Variants in SMC1A observed in about 807,000 individuals in gnomAD.
SMC1A encodes the protein structural maintenance of chromosomes protein 1A.
SMC1A carries 4 observed loss-of-function variants against 94.5 expected under a neutral mutation model. The ratio of observed to expected loss-of-function variants is 0.04; its 90% CI spans 0.02 to 0.10. The LOEUF (loss-of-function observed/expected upper bound fraction) is 0.10, where lower values mean the gene tolerates loss of function less well. Among genes scored for constraint, SMC1A ranks in the 10% least tolerant of loss-of-function variants. SMC1A has a pLI of 1.00. For synonymous variants in SMC1A, 345 were observed against 347.7 expected (o/e 0.99, Z 0.09); for missense variants, 304 against 989.0 (o/e 0.31, Z 9.29).
intron 3 of SMC1A, 40 bp from the exon 4 acceptor site, chrX:53,413,475 C>A (rs375724116): frequency 5.0e-4 from 573 of 1,141,431 alleles, no homozygotes; most frequent in Non-Finnish European, 6.6e-4. Context: ...CAGACCCCAG[C>A]CAACCCAGTT....
intron 22 of SMC1A, 88 bp downstream of exon 22, chrX:53,382,144 C>T (rs1470294843): frequency 7.7e-6 from 8 of 1,042,116 alleles, no homozygotes; most frequent in South Asian, 1.9e-5. Flanking sequence ...CCATCACCTT[C>T]GCAGATCTCT....
In SMC1A at chrX:53,413,028, C is replaced by T; in HGVS notation, c.726G>A (p.Leu242=). The T allele has an allele frequency of 1.7e-6, 2 of 1,211,187 alleles. No homozygotes were observed. The highest frequency in any genetic ancestry group is 2.2e-6 in the Non-Finnish European group (2 of 894,986). ...TCTCGATCTCCTTGTTCTTTGAGGC[C>T]AGTTCCTTGTTGAGCTTCTCAATTT... ...EVEIEKLNKE[L]ASKNKEIEKD... Residue 242 remains leucine (L), a synonymous_variant, in exon 5 of 25, where the codon CTG becomes CTA. Coordinates refer to ENST00000322213, the MANE Select transcript of SMC1A (RefSeq NM_006306.4).
intron 15 of SMC1A, among the ~76,000 whole-genome samples, chrX:53,400,568 A>G (rs781850346): frequency 5.4e-5 from 6 of 111,874 alleles, no homozygotes; most frequent in African/African-American, 1.6e-4. Context: ...CTTTTGTCCA[A>G]GGGCTTCAAC....
At chrX:53,394,731 T>TGCCCCCCCCCC in intron 19 of SMC1A, 47 bp downstream of exon 19, 6 of 416,225 alleles carry the variant, frequency 1.4e-5, no homozygotes, top group East Asian at 4.6e-5. Flanking sequence ...ATAGTCCCAC[T>TGCCCCCCCCCC]CCCACCCAAC....
chrX:53,411,680 A>T (rs1017134793), intron 7 of SMC1A, 81 bp downstream of exon 7: 12 of 1,108,407 alleles, frequency 1.1e-5, no homozygotes, highest in Admixed American at 2.2e-5. Flanking sequence ...CAGATTTTGG[A>T]TTATTTTGGA....
At chrX:53,410,851 C>T (rs1197618763) in intron 7 of SMC1A, among the ~76,000 whole-genome samples, 9 of 97,699 alleles carry the variant, frequency 9.2e-5, no homozygotes, top group Admixed American at 3.6e-4. Flanking sequence ...CACTTGAACC[C>T]GACAGGCAGA....
rs41304790 is a variant in SMC1A at position 53,381,496 on chromosome X, T to C, written c.3438-409A>G. On this transcript the variant is annotated intron_variant, in intron 22 of 24. Transcript: ENST00000322213. ...CCTCAGCCTAGAATGCCTGCTGGTC[T>C]ACCTGGCACACTTCTACTCATCCTT... is the stretch of plus-strand genomic sequence containing the variant. 6.7e-3 allele frequency among the ~76,000 whole-genome samples: 755 copies of C among 112,041 alleles called. 7 individuals are homozygous for C. Among genetic ancestry groups the C allele is most frequent in the Middle Eastern group, 0.014 (3 of 217 alleles).
intron 1 of SMC1A, among the ~76,000 whole-genome samples, chrX:53,420,957 G>T (rs2075752286): frequency 8.9e-6 from 1 of 111,776 alleles, no homozygotes; most frequent in Non-Finnish European, 1.9e-5. Context: ...TGCCACAGAG[G>T]AAGACTCACT....
chrX:53,385,188 C>T (rs1200643649), intron 19 of SMC1A, among the ~76,000 whole-genome samples: 1 of 107,024 alleles, frequency 9.3e-6, no homozygotes, highest in African/African-American at 3.4e-5. Flanking sequence ...AGGACATAAA[C>T]TTATGTACAT....
At chrX:53,421,357 C>T (rs2075754827) in intron 1 of SMC1A, among the ~76,000 whole-genome samples, 1 of 112,141 alleles carries the variant, frequency 8.9e-6, no homozygotes, top group Non-Finnish European at 1.9e-5. Flanking sequence ...CAGAGCACAT[C>T]CCACAGCAAA....
intron 16 of SMC1A, among the ~76,000 whole-genome samples, chrX:53,399,097 G>A (rs1215510947): frequency 9.0e-6 from 1 of 111,052 alleles, no homozygotes; most frequent in Non-Finnish European, 1.9e-5. Context: ...AATTAGCTGG[G>A]CGTGGTGGCA....
At chrX:53,422,108 G>A (rs1292173736) in intron 1 of SMC1A, 168 of 1,111,512 alleles carry the variant, frequency 1.5e-4, no homozygotes, top group Non-Finnish European at 1.9e-4. Flanking sequence ...CACATTCTCC[G>A]GAGGGGGTCA....
intron 7 of SMC1A, among the ~76,000 whole-genome samples, chrX:53,410,953 G>C (rs1223932478): frequency 3.7e-4 from 1 of 2,721 alleles, no homozygotes; most frequent in Admixed American, 5.4e-3. Context: ...AAAGTAGCCA[G>C]GCATGGTGGC....
In SMC1A at chrX:53,414,504, T is replaced by G. The variant is rs1240310710; in HGVS notation, c.411+254A>C. ...TACTGCTGGTCTGGAGACTACAGTT[T>G]AAGAACCACCATTGTAAGGCAATAC... On this transcript the variant is annotated intron_variant, in intron 3 of 24. Coordinates refer to ENST00000322213, the MANE Select transcript of SMC1A (RefSeq NM_006306.4). 3.6e-5 allele frequency among the ~76,000 whole-genome samples: 4 copies of G among 111,968 alleles called. No individual in the cohort carries two copies. The South Asian group carries it at 1.5e-3, about 41-fold the overall frequency.
chrX:53,406,977 C>G (rs782453818), intron 9 of SMC1A, among the ~76,000 whole-genome samples: 18 of 112,338 alleles, frequency 1.6e-4, no homozygotes, highest in African/African-American at 4.8e-4. Flanking sequence ...GGATTACAGG[C>G]GTGAGCTACC....
At chrX:53,394,219 AATTG>A (rs2075641529) in intron 19 of SMC1A, among the ~76,000 whole-genome samples, 2 of 109,355 alleles carry the variant, frequency 1.8e-5, no homozygotes, top group Admixed American at 9.9e-5. Context: ...CTTGGTAATT[AATTG>A]ATTATGTAAA....
intron 19 of SMC1A, among the ~76,000 whole-genome samples, chrX:53,391,668 A>G (rs994522757): frequency 1.8e-5 from 2 of 111,251 alleles, no homozygotes; most frequent in Admixed American, 1.9e-4. Flanking sequence ...CTGGGACTAC[A>G]GGTACATGCC....
intron 5 of SMC1A, 106 bp downstream of exon 5, chrX:53,412,794 A>G: frequency 8.8e-7 from 1 of 1,130,218 alleles, no homozygotes; most frequent in East Asian, 3.0e-5. Context: ...TTAGGAGAAT[A>G]ACAGAGAAAT....
intron 9 of SMC1A, among the ~76,000 whole-genome samples, chrX:53,407,097 G>T (rs1027701817): frequency 5.4e-5 from 6 of 112,136 alleles, no homozygotes; most frequent in Admixed American, 3.8e-4. Context: ...TCTTCTACCC[G>T]TGAGTTCCTG....
Sources: allele counts gnomAD v4.1 joint callset (sites outside exome capture counted in the v4.1 genomes callset), GRCh38; gene constraint gnomAD v4.1.1; transcripts MANE v1.5; gene names NCBI Gene and HGNC (gene_info 2026-07-23, HGNC 2026-07-21).